Variants in SLC30A5 observed in about 807,000 individuals in gnomAD.
The protein encoded by SLC30A5 is solute carrier family 30 member 5.
Under a neutral mutation model 79.6 loss-of-function variants are expected in SLC30A5, and 33 were observed. The observed-to-expected ratio is 0.41, with a 90% confidence interval of 0.31 to 0.55. SLC30A5 has a LOEUF of 0.55. SLC30A5 is among the 20% of genes least tolerant of loss of function. The pLI, the probability that SLC30A5 is intolerant of heterozygous loss-of-function variation, is 0.20. For missense variants in SLC30A5, 788 were observed against 928.1 expected, an observed-to-expected ratio of 0.85 and a Z score of 1.96; for synonymous variants, 299 against 319.7, an observed-to-expected ratio of 0.94 and a Z score of 0.69.
chr5:69,113,937 C>T (rs1247973489), intron 6 of SLC30A5, among the ~76,000 whole-genome samples: 1 of 152,074 alleles, frequency 6.6e-6, no homozygotes, highest in Admixed American at 6.6e-5. Context: ...CCTCTATTCC[C>T]CACCCTCTTT....
intron 15 of SLC30A5, 105 bp from the exon 16 acceptor site, chr5:69,129,342 C>T: frequency 2.5e-6 from 2 of 796,474 alleles, no homozygotes; most frequent in Non-Finnish European, 1.9e-6. Context: ...TTCGTATTTT[C>T]AGATTAAAGA....
At chr5:69,098,247 C>T (rs1003973282) in intron 1 of SLC30A5, among the ~76,000 whole-genome samples, 3 of 152,124 alleles carry the variant, frequency 2.0e-5, no homozygotes, top group East Asian at 3.9e-4. Flanking sequence ...TCGCCAGGCG[C>T]GGTGGCTCAT....
chr5:69,096,074 A>G (rs1403227095), intron 1 of SLC30A5, among the ~76,000 whole-genome samples: 1 of 152,136 alleles, frequency 6.6e-6, no homozygotes, highest in East Asian at 1.9e-4. Flanking sequence ...GTCTCAAAAA[A>G]AAGCATATCA....
At chr5:69,128,177 C>A in intron 15 of SLC30A5, 45 bp downstream of exon 15, 1 of 1,529,062 alleles carries the variant, frequency 6.5e-7, no homozygotes, top group Non-Finnish European at 8.9e-7. Context: ...GTCATTCATA[C>A]CCAAAATTGT....
At position 69,124,345 on chromosome 5, in the gene SLC30A5, G is replaced by A. The variant is rs570606467; in HGVS notation, c.1998+920G>A. On this transcript the variant is annotated intron_variant, in intron 14 of 15. Transcript: ENST00000396591. ...AATGTAAAAGAAGAAATAAAAATAG[G>A]TTGTCCAGAAACAGACCCAGGAGTT... is the stretch of plus-strand genomic sequence containing the variant. Among the ~76,000 whole-genome samples, 62 of 151,946 alleles carry A rather than the reference G, an allele frequency of 4.1e-4. 2 individuals are homozygous for A. The South Asian group carries it at 0.013, about 31-fold the overall frequency.
chr5:69,106,548 A>T (rs999066351), intron 4 of SLC30A5, among the ~76,000 whole-genome samples: 5 of 152,078 alleles, frequency 3.3e-5, no homozygotes, highest in Admixed American at 6.6e-5. Flanking sequence ...AATTGCAAAA[A>T]TTTTAATCCC....
chr5:69,118,764 G>A, intron 12 of SLC30A5, 136 bp downstream of exon 12: 1 of 524,390 alleles, frequency 1.9e-6, no homozygotes. Context: ...TTCCTATCTT[G>A]CTGTTTACAT....
intron 2 of SLC30A5, chr5:69,102,735 C>A (rs1305669020): frequency 1.2e-5 from 2 of 160,940 alleles, no homozygotes; most frequent in Non-Finnish European, 2.7e-5. Context: ...GTGGCGCACA[C>A]CTGTAATCCC....
chr5:69,127,151 A>G (rs1746719386), intron 14 of SLC30A5, among the ~76,000 whole-genome samples: 1 of 152,186 alleles, frequency 6.6e-6, no homozygotes, highest in Non-Finnish European at 1.5e-5. Context: ...GTTGTTGAAC[A>G]TTGAGGATAT....
rs1390077598 is a variant in SLC30A5, at chr5:69,094,218, C to G, written c.-38C>G. On this transcript the variant is annotated 5_prime_UTR_variant, in exon 1 of 16. Coordinates refer to ENST00000396591, the MANE Select transcript of SLC30A5 (RefSeq NM_022902.5). Reference sequence around the variant, plus strand: ...GCAGCGGCGAGACATGAGGAGACCCCGCGACAGGGGCAGCGGCGGCGGCTC... The same window carrying G: ...GCAGCGGCGAGACATGAGGAGACCCGGCGACAGGGGCAGCGGCGGCGGCTC... 1 of 1,102,890 alleles carries G rather than the reference C, an allele frequency of 9.1e-7. No homozygotes were observed. The highest frequency in any genetic ancestry group is 3.2e-5 in the East Asian group (1 of 31,206). 68.3% of individuals were successfully genotyped at this position (1,102,890 alleles called of 1,614,324 possible).
intron 5 of SLC30A5, among the ~76,000 whole-genome samples, chr5:69,110,730 A>T (rs2111964849): frequency 6.6e-6 from 1 of 152,374 alleles, no homozygotes; most frequent in South Asian, 2.1e-4. Flanking sequence ...ATCAGTGTGT[A>T]TACAAAAAAC....
At chr5:69,094,376 C>A (rs337260) in intron 1 of SLC30A5, 38 bp downstream of exon 1, 1 of 1,243,236 alleles carries the variant, frequency 8.0e-7, no homozygotes, top group Non-Finnish European at 1.0e-6. Flanking sequence ...CCGGCCGGGT[C>A]GCTCAGGATG....
In SLC30A5 at chr5:69,123,284, C is replaced by A; in HGVS notation, c.1857C>A (p.Phe619Leu). 1 of 1,613,986 alleles carries A rather than the reference C, an allele frequency of 6.2e-7. No individual in the cohort carries two copies. The highest frequency in any genetic ancestry group is 8.5e-7 in the Non-Finnish European group (1 of 1,179,942). ...STVLIEQFGW[F>L]IADPLCSLFI... ...TTCTTATAGAGCAGTTTGGATGGTT[C>A]ATCGCTGACCCACTCTGTTCTCTTT... Residue 619 changes from phenylalanine to leucine, a missense_variant, in exon 14 of 16, where the codon TTC (phenylalanine) becomes TTA (leucine). Coordinates refer to ENST00000396591, the MANE Select transcript of SLC30A5 (RefSeq NM_022902.5).
rs1745649923 is a variant in SLC30A5, at chr5:69,094,232, C to A, written c.-24C>A. The A allele has an allele frequency of 2.6e-6, 3 of 1,161,370 alleles. No individual in the cohort carries two copies. The highest frequency in any genetic ancestry group is 3.9e-5 in the South Asian group (1 of 25,522). The allele number at this position is 1,161,370 out of a possible 1,614,324, so 71.9% of individuals were successfully genotyped here. A position where few individuals can be genotyped will look rare whatever the true frequency, so the allele number is the denominator to read the frequency against. ...TGAGGAGACCCCGCGACAGGGGCAG[C>A]GGCGGCGGCTCGTGAGCCCCGGGAT... On this transcript the variant is annotated 5_prime_UTR_variant, in exon 1 of 16. Transcript: ENST00000396591.
At chr5:69,094,975 C>A (rs1315130807) in intron 1 of SLC30A5, among the ~76,000 whole-genome samples, 1 of 152,076 alleles carries the variant, frequency 6.6e-6, no homozygotes. Context: ...AAGTAAGGGA[C>A]CAACAGGTGC....
intron 14 of SLC30A5, among the ~76,000 whole-genome samples, chr5:69,124,116 A>AAAG (rs1330133516): frequency 6.6e-6 from 1 of 151,194 alleles, no homozygotes; most frequent in African/African-American, 2.4e-5. Flanking sequence ...CCACCTCAAA[A>AAAG]AAAAAAAAAA....
At chr5:69,113,407 T>G in intron 6 of SLC30A5, 180 bp downstream of exon 6, 1 of 482,478 alleles carries the variant, frequency 2.1e-6, no homozygotes, top group East Asian at 3.3e-5. Flanking sequence ...ATAAGTTAAA[T>G]ATTTTATAGC....
intron 8 of SLC30A5, 125 bp from the exon 9 acceptor site, chr5:69,115,801 T>C (rs1045967926): frequency 8.3e-5 from 68 of 817,120 alleles, no homozygotes; most frequent in Middle Eastern, 7.3e-4. Flanking sequence ...CTTTTATATG[T>C]TGGCATATTA....
At chr5:69,096,591 T>TC (rs1745738178) in intron 1 of SLC30A5, among the ~76,000 whole-genome samples, 1 of 152,006 alleles carries the variant, frequency 6.6e-6, no homozygotes, top group Non-Finnish European at 1.5e-5. Flanking sequence ...AAAAGAAGTT[T>TC]CCCCTCTTAA....
Sources: allele counts gnomAD v4.1 joint callset (sites outside exome capture counted in the v4.1 genomes callset), GRCh38; gene constraint gnomAD v4.1.1; transcripts MANE v1.5; gene names NCBI Gene and HGNC (gene_info 2026-07-23, HGNC 2026-07-21).